Variants in NEDD4 observed in about 807,000 individuals in gnomAD.
The protein encoded by NEDD4 is NEDD4 E3 ubiquitin protein ligase.
NEDD4 carries 99 observed loss-of-function variants against 144.9 expected under a neutral mutation model. That is an observed-to-expected ratio of 0.68 (90% CI 0.58 to 0.81). The LOEUF is 0.81. NEDD4 is among the 30% of genes least tolerant of loss of function. The probability of loss-of-function intolerance (pLI) is 0.00; values close to 1 mark genes in which losing one functional copy is unlikely to be tolerated. For missense variants in NEDD4, 985 were observed against 1,065.9 expected (o/e 0.92, Z 1.06); for synonymous variants, 318 against 350.6 (o/e 0.91, Z 1.04).
At chr15:55,840,369 T>C (rs1317442538) in intron 21 of NEDD4, 78 bp downstream of exon 21, 33 of 1,313,288 alleles carry the variant, frequency 2.5e-5, no homozygotes, top group Non-Finnish European at 3.0e-5. Context: ...TTCCATGTCA[T>C]TAAAAGCAAA....
intron 1 of NEDD4, among the ~76,000 whole-genome samples, chr15:55,971,396 G>T (rs930262372): frequency 3.3e-5 from 5 of 152,062 alleles, no homozygotes; most frequent in Non-Finnish European, 7.4e-5. Flanking sequence ...AGGCTGAGGC[G>T]AGTGGATCTC....
chr15:55,897,885 C>T (rs2035788926), intron 5 of NEDD4, among the ~76,000 whole-genome samples: 1 of 152,214 alleles, frequency 6.6e-6, no homozygotes, highest in Admixed American at 6.5e-5. Flanking sequence ...CCTGACCTTT[C>T]CTGCCCTCTA....
chr15:55,969,798 G>C (rs1011083096), intron 1 of NEDD4, among the ~76,000 whole-genome samples: 6 of 152,088 alleles, frequency 3.9e-5, no homozygotes, highest in African/African-American at 1.4e-4. Context: ...GCAAGACTCA[G>C]TATTATGCTG....
chr15:55,862,755 A>C (rs1320685103), intron 9 of NEDD4, among the ~76,000 whole-genome samples, 158 bp downstream of exon 9: 1 of 152,218 alleles, frequency 6.6e-6, no homozygotes, highest in Non-Finnish European at 1.5e-5. Context: ...GAAACAGCAG[A>C]GTTAGGATTT....
intron 5 of NEDD4, among the ~76,000 whole-genome samples, chr15:55,901,045 T>C (rs1453458590): frequency 1.3e-5 from 2 of 152,132 alleles, no homozygotes; most frequent in African/African-American, 2.4e-5. Context: ...CGAAAACTGG[T>C]ATCTAACTTT....
At chr15:55,941,056 C>T (rs1235683206) in intron 4 of NEDD4, among the ~76,000 whole-genome samples, 1 of 151,988 alleles carries the variant, frequency 6.6e-6, no homozygotes, top group African/African-American at 2.4e-5. Context: ...ACAATATTAC[C>T]TTTTAAAAAG....
At position 55,915,186 on chromosome 15, in the gene NEDD4, A is replaced by T. The variant is rs2036396559; in HGVS notation, c.291+9460T>A. 3.5e-6 allele frequency: 4 copies of T among 1,139,622 alleles called. No homozygotes were observed. The Admixed American group carries it at 8.7e-5, about 25-fold the overall frequency. The allele number at this position is 1,139,622 out of a possible 1,614,324, so 70.6% of individuals were successfully genotyped here. Reference sequence around the variant, plus strand: ...AATACTGCTAGCTAAGGACCAGGAAAATATGTAAAACTGCTTGGTTACAAT... The same window carrying T: ...AATACTGCTAGCTAAGGACCAGGAATATATGTAAAACTGCTTGGTTACAAT... On this transcript the variant is annotated intron_variant, in intron 5 of 28. Coordinates refer to ENST00000435532, the MANE Select transcript of NEDD4 (RefSeq NM_006154.4).
At chr15:55,963,476 A>G (rs1029538512) in intron 2 of NEDD4, among the ~76,000 whole-genome samples, 26 of 152,180 alleles carry the variant, frequency 1.7e-4, no homozygotes, top group Non-Finnish European at 3.5e-4. Flanking sequence ...GGATATTACA[A>G]TATACATCAT....
chr15:55,988,557 C>T (rs1175296622), intron 1 of NEDD4, among the ~76,000 whole-genome samples: 4 of 147,794 alleles, frequency 2.7e-5, no homozygotes, highest in East Asian at 2.0e-4. Context: ...AGACATGCCA[C>T]GTAAAAGCAA....
intron 27 of NEDD4, among the ~76,000 whole-genome samples, chr15:55,831,048 A>C (rs759977936): frequency 5.9e-5 from 9 of 151,884 alleles, no homozygotes; most frequent in Non-Finnish European, 1.3e-4. Flanking sequence ...CCCTCCCAAG[A>C]AGCTGAGATT....
rs111769211 is a variant in NEDD4 at position 55,880,469 on chromosome 15, C to G, written c.292-6461G>C. The stretch of plus-strand genomic sequence containing the variant: ...AAACCTGAAATATAAGAGAGTACTT[C>G]CTGCAAAATAATGAGAGAAAGATAT... On this transcript the variant is annotated intron_variant, in intron 5 of 28. Transcript: ENST00000435532. Among the ~76,000 whole-genome samples, 417 of 152,116 alleles carry G rather than the reference C, an allele frequency of 2.7e-3. 1 individual carries two copies. The highest frequency in any genetic ancestry group is 4.3e-3 in the Non-Finnish European group (290 of 67,976).
chr15:55,886,923 A>C (rs1306291002), intron 5 of NEDD4, among the ~76,000 whole-genome samples: 4 of 152,138 alleles, frequency 2.6e-5, no homozygotes, highest in African/African-American at 9.6e-5. Context: ...GAAATTAAGA[A>C]GGATATTGAA....
intron 1 of NEDD4, 52 bp downstream of exon 1, chr15:55,993,459 C>T: frequency 6.3e-7 from 1 of 1,582,378 alleles, no homozygotes; most frequent in Non-Finnish European, 8.6e-7. Context: ...CCGGGTCCGG[C>T]TGCTGAATAA....
chr15:55,941,516 T>C (rs1314772435), intron 4 of NEDD4, among the ~76,000 whole-genome samples: 1 of 152,166 alleles, frequency 6.6e-6, no homozygotes, highest in African/African-American at 2.4e-5. Context: ...CGTGTGTTAC[T>C]GAATTGTAAC....
chr15:55,848,674 C>T (rs1377360222), intron 15 of NEDD4, 99 bp from the exon 16 acceptor site: 3 of 1,256,042 alleles, frequency 2.4e-6, no homozygotes, highest in Non-Finnish European at 2.3e-6. Context: ...CTTGCATATT[C>T]CATTCCATTC....
intron 5 of NEDD4, chr15:55,916,905 A>T (rs2036468872): frequency 6.6e-7 from 1 of 1,516,458 alleles, no homozygotes; most frequent in East Asian, 2.3e-5. Context: ...GGCTAGAAGC[A>T]GCTGCACTGC....
At chr15:55,840,958 T>C (rs768326328) in intron 19 of NEDD4, among the ~76,000 whole-genome samples, 3 of 152,208 alleles carry the variant, frequency 2.0e-5, no homozygotes, top group African/African-American at 2.4e-5. Flanking sequence ...GTTTTTGAGA[T>C]GGAGTCTTGC....
Position 55,860,500 on chromosome 15 carries a change from A to T in NEDD4, c.867T>A (p.Ser289Arg), listed in dbSNP as rs773167275. The change falls in exon 11 of 29, where the codon AGT becomes AGA. Residue 289 changes from serine to arginine, a missense_variant. Transcript: ENST00000435532. Reference protein sequence around the residue: ...NQAFPSPPPSSNLDVPTHLAE... With the variant: ...NQAFPSPPPSRNLDVPTHLAE... ...CAAGATGAGTTGGAACATCCAAGTT[A>T]CTTGACGGTGGAGGTGATGGGAAGG... 1 of 1,614,076 alleles carries T rather than the reference A, an allele frequency of 6.2e-7. No individual in the cohort carries two copies. Among genetic ancestry groups the T allele is most frequent in the Non-Finnish European group, 8.5e-7 (1 of 1,180,026 alleles).
Position 55,840,677 on chromosome 15 carries a change from T to C in NEDD4, c.1889A>G (p.Asp630Gly). Residue 630 changes from aspartate to glycine, a missense_variant, in exon 20 of 29, where the codon GAT becomes GGT. Physicochemically the swap from Asp to Gly is moderately conservative, Grantham distance 94. Transcript: ENST00000435532. ...AATAAACTTGAAGTAAGAGAGGTGA[T>C]CTTCGTTACACAATCCAGAGTTTGG... ...INPNSGLCNEDHLSYFKFIGR... is the reference protein window; with the variant it reads ...INPNSGLCNEGHLSYFKFIGR... 1 of 1,614,086 alleles carries C rather than the reference T, an allele frequency of 6.2e-7. No homozygotes were observed. The highest frequency in any genetic ancestry group is 8.5e-7 in the Non-Finnish European group (1 of 1,179,978).
Sources: gnomAD v4.1 joint callset for allele counts (sites outside exome capture counted in the v4.1 genomes callset) on GRCh38, gnomAD v4.1.1 for gene constraint, MANE v1.5 for transcripts, NCBI Gene and HGNC (gene_info 2026-07-23, HGNC 2026-07-21) for gene names.